SDK1: variants seen among roughly 807,000 people sequenced by gnomAD.
SDK1 encodes protein sidekick-1.
SDK1 carries 157 observed loss-of-function variants against 245.5 expected under a neutral mutation model. That is an observed-to-expected ratio of 0.64 (90% CI 0.56 to 0.73). The LOEUF (loss-of-function observed/expected upper bound fraction) is 0.73, where lower values mean the gene tolerates loss of function less well. Among genes scored for constraint, SDK1 ranks in the 30% least tolerant of loss-of-function variants. The probability of loss-of-function intolerance (pLI) is 0.00; values close to 1 mark genes in which losing one functional copy is unlikely to be tolerated. For missense variants in SDK1, 3,583 were observed against 3,002.3 expected, an observed-to-expected ratio of 1.19 and a Z score of -4.52; for synonymous variants, 1,647 against 1,278.5, an observed-to-expected ratio of 1.29 and a Z score of -6.15.
intron 5 of SDK1, among the ~76,000 whole-genome samples, chr7:3,863,380 A>G (rs1256642775): frequency 6.6e-6 from 1 of 152,156 alleles, no homozygotes; most frequent in Non-Finnish European, 1.5e-5. Flanking sequence ...TTGGCACCCC[A>G]TTGCCTGGCT....
chr7:4,225,513 T>C (rs1157168062), intron 40 of SDK1, among the ~76,000 whole-genome samples: 1 of 152,152 alleles, frequency 6.6e-6, no homozygotes, highest in Non-Finnish European at 1.5e-5. Context: ...CGATAAGGCA[T>C]TGGTTCTCAG....
intron 1 of SDK1, among the ~76,000 whole-genome samples, chr7:3,590,669 C>A (rs1437913567): frequency 6.6e-6 from 1 of 152,108 alleles, no homozygotes; most frequent in East Asian, 1.9e-4. Flanking sequence ...ATAGTCTCAT[C>A]CTTAGCTGCG....
chr7:4,093,458 C>CAAAAAAAAAAA (rs71032922), intron 22 of SDK1, among the ~76,000 whole-genome samples: 1 of 77,784 alleles, frequency 1.3e-5, no homozygotes, highest in Non-Finnish European at 2.8e-5. Context: ...AAATGGAAAG[C>CAAAAAAAAAAA]AAAAAAAAAA....
chr7:4,180,254 G>A (rs35685329), intron 35 of SDK1, among the ~76,000 whole-genome samples: 38,135 of 135,688 alleles, frequency 0.28, 5,051 homozygotes, highest in Middle Eastern at 0.5. Flanking sequence ...CCCAGTGCCC[G>A]GCTCCAGCTC....
At chr7:3,464,096 T>G (rs1780915324) in intron 1 of SDK1, among the ~76,000 whole-genome samples, 1 of 152,230 alleles carries the variant, frequency 6.6e-6, no homozygotes, top group South Asian at 2.1e-4. Context: ...TAAAAATTAT[T>G]CTAAAAATAC....
chr7:3,376,409 A>G, intron 1 of SDK1, among the ~76,000 whole-genome samples: 1 of 152,186 alleles, frequency 6.6e-6, no homozygotes, highest in East Asian at 1.9e-4. Flanking sequence ...AGCAACCTGT[A>G]TTACAAAAGG....
chr7:3,913,448 A>C (rs556582606), intron 5 of SDK1, among the ~76,000 whole-genome samples: 16 of 151,748 alleles, frequency 1.1e-4, no homozygotes, highest in Non-Finnish European at 1.5e-4. Flanking sequence ...CGCTCGCCAC[A>C]ACGCCCAGCT....
At chr7:3,431,414 A>G (rs1779844329) in intron 1 of SDK1, among the ~76,000 whole-genome samples, 1 of 145,610 alleles carries the variant, frequency 6.9e-6, no homozygotes, top group African/African-American at 2.6e-5. Context: ...CCAGAATCCT[A>G]ATAGCCTGCT....
intron 1 of SDK1, among the ~76,000 whole-genome samples, chr7:3,446,721 A>G (rs1356383443): frequency 6.6e-6 from 1 of 152,194 alleles, no homozygotes; most frequent in African/African-American, 2.4e-5. Flanking sequence ...TTTGAATTCA[A>G]TCCCTAACAA....
At chr7:3,728,042 T>C (rs1779061106) in intron 4 of SDK1, among the ~76,000 whole-genome samples, 7 of 152,206 alleles carry the variant, frequency 4.6e-5, no homozygotes, top group Admixed American at 3.9e-4. Flanking sequence ...AATATGTTCT[T>C]CAGTTGGATG....
rs1440278844 is a variant in SDK1 at position 4,110,659 on chromosome 7, A to G, written c.3325-4A>G. 6.2e-6 allele frequency: 10 copies of G among 1,603,010 alleles called. No homozygotes were observed. Among genetic ancestry groups the G allele is most frequent in the Non-Finnish European group, 6.0e-6 (7 of 1,170,552 alleles). ...AGCCCATCTCAGTGTCTCCCTCTGC[A>G]CAGGTGGGAGCTATCGGCGACGAGG... On this transcript the variant is annotated splice_polypyrimidine_tract_variant and splice_region_variant and intron_variant, in intron 22 of 44. Transcript: ENST00000404826.
intron 1 of SDK1, among the ~76,000 whole-genome samples, chr7:3,337,141 A>T (rs1225666351): frequency 6.6e-6 from 1 of 152,228 alleles, no homozygotes; most frequent in Non-Finnish European, 1.5e-5. Flanking sequence ...AGCTGCTATG[A>T]TAAAATGTTT....
intron 1 of SDK1, among the ~76,000 whole-genome samples, chr7:3,509,384 G>A (rs536245243): frequency 1.1e-4 from 17 of 152,200 alleles, no homozygotes; most frequent in Admixed American, 9.2e-4. Flanking sequence ...GGCAAATACC[G>A]TTACTTTTCT....
chr7:3,502,907 A>G (rs1782264982), intron 1 of SDK1, among the ~76,000 whole-genome samples: 1 of 152,158 alleles, frequency 6.6e-6, no homozygotes, highest in Non-Finnish European at 1.5e-5. Context: ...TGAGATGAAG[A>G]TGTTAATGCT....
intron 35 of SDK1, among the ~76,000 whole-genome samples, chr7:4,183,043 G>A (rs987972762): frequency 1.3e-5 from 2 of 152,178 alleles, no homozygotes; most frequent in Non-Finnish European, 2.9e-5. Context: ...AGTTTGGTGG[G>A]CGTGGGGGCT....
intron 4 of SDK1, among the ~76,000 whole-genome samples, chr7:3,707,480 A>G (rs190767836): frequency 4.6e-5 from 7 of 152,360 alleles, no homozygotes; most frequent in East Asian, 3.9e-4. Flanking sequence ...TATACGGTCT[A>G]TCTTGGAGAC....
chr7:3,799,456 G>A (rs1779050140), intron 4 of SDK1, among the ~76,000 whole-genome samples: 2 of 151,896 alleles, frequency 1.3e-5, no homozygotes, highest in South Asian at 4.2e-4. Context: ...TGTAATCCCA[G>A]CACTTTGGGA....
At position 3,446,456 on chromosome 7, in the gene SDK1, CA is replaced by C. The variant is rs1365439050; in HGVS notation, c.298+144577del. Among the ~76,000 whole-genome samples, 3 of 152,152 alleles carry C rather than the reference CA, an allele frequency of 2.0e-5. No individual in the cohort carries two copies. In the South Asian group the frequency reaches 6.2e-4, roughly 32 times the overall value. On this transcript the variant is annotated intron_variant, in intron 1 of 44. Coordinates refer to ENST00000404826, the MANE Select transcript of SDK1 (RefSeq NM_152744.4). Reference sequence around the variant, plus strand: ...TAAGTTTTCTACCAGCATCTTACAGCAAAAATTACAATTTTTCTGCCAGTCC... The same window carrying C: ...TAAGTTTTCTACCAGCATCTTACAGCAAAATTACAATTTTTCTGCCAGTCC...
intron 5 of SDK1, among the ~76,000 whole-genome samples, chr7:3,933,606 C>G (rs1562547167): frequency 6.6e-6 from 1 of 152,130 alleles, no homozygotes; most frequent in Non-Finnish European, 1.5e-5. Flanking sequence ...GCTCCTCAAA[C>G]TTGAAATAAA....
Sources: gnomAD v4.1 joint callset for allele counts (sites outside exome capture counted in the v4.1 genomes callset) on GRCh38, gnomAD v4.1.1 for gene constraint, MANE v1.5 for transcripts, NCBI Gene and HGNC (gene_info 2026-07-23, HGNC 2026-07-21) for gene names.